The following INSYN2B variants were observed in gnomAD, a reference collection of about 807,000 sequenced individuals.
INSYN2B encodes protein INSYN2B.
A neutral mutation model predicts 41.2 loss-of-function variants in INSYN2B; 16 were observed. The ratio of observed to expected loss-of-function variants is 0.39; its 90% confidence interval spans 0.26 to 0.59. INSYN2B has a LOEUF of 0.59. Among genes scored for constraint, INSYN2B ranks in the 20% least tolerant of loss-of-function variants. The pLI is 0.57. For synonymous variants in INSYN2B, 245 were observed against 244.4 expected (o/e 1.00, Z -0.02); for missense variants, 608 against 646.4 (o/e 0.94, Z 0.64).
intron 1 of INSYN2B, among the ~76,000 whole-genome samples, chr5:169,895,573 C>T (rs141147678): frequency 7.9e-5 from 12 of 152,182 alleles, no homozygotes; most frequent in African/African-American, 2.6e-4. Flanking sequence ...AAAGCTCCTT[C>T]GGTGCCCCAT....
intron 1 of INSYN2B, among the ~76,000 whole-genome samples, chr5:169,899,972 T>TCAC (rs1773828340): frequency 6.6e-6 from 1 of 152,232 alleles, no homozygotes; most frequent in East Asian, 1.9e-4. Context: ...CATGAGAGTC[T>TCAC]CACAAACTGT....
intron 1 of INSYN2B, among the ~76,000 whole-genome samples, chr5:169,976,642 C>T (rs1216735037): frequency 6.6e-6 from 1 of 152,150 alleles, no homozygotes; most frequent in Non-Finnish European, 1.5e-5. Flanking sequence ...CAAGCACAGG[C>T]TCCAACCAGG....
intron 1 of INSYN2B, among the ~76,000 whole-genome samples, chr5:169,912,051 C>T (rs539192870): frequency 1.9e-4 from 29 of 152,314 alleles, no homozygotes; most frequent in Admixed American, 1.7e-3. Flanking sequence ...GCACATCAGG[C>T]TGTTGAACAA....
At chr5:169,882,141 G>A (rs962818660) in intron 2 of INSYN2B, among the ~76,000 whole-genome samples, 1 of 152,164 alleles carries the variant, frequency 6.6e-6, no homozygotes, top group Non-Finnish European at 1.5e-5. Flanking sequence ...CAAGTCCTTT[G>A]TCACAATGAC....
chr5:169,929,693 G>A (rs945305806), intron 1 of INSYN2B, among the ~76,000 whole-genome samples: 14 of 146,106 alleles, frequency 9.6e-5, no homozygotes, highest in Non-Finnish European at 1.8e-4. Context: ...AGTGAGCCAA[G>A]AGGGGATCAC....
chr5:169,909,429 A>G (rs1315543685), intron 1 of INSYN2B, among the ~76,000 whole-genome samples: 2 of 152,230 alleles, frequency 1.3e-5, no homozygotes. Context: ...ATGAATTTAA[A>G]AAAATCTAAG....
chr5:169,881,285 T>C, intron 3 of INSYN2B, 83 bp downstream of exon 3: 1 of 1,168,560 alleles, frequency 8.6e-7, no homozygotes, highest in Non-Finnish European at 1.2e-6. Context: ...TCTTGACTTT[T>C]TGCATTTAAA....
chr5:169,897,158 A>C (rs1773656958), intron 1 of INSYN2B, among the ~76,000 whole-genome samples: 1 of 152,196 alleles, frequency 6.6e-6, no homozygotes, highest in African/African-American at 2.4e-5. Flanking sequence ...AGATTTGGAA[A>C]GTATCACAAT....
intron 1 of INSYN2B, among the ~76,000 whole-genome samples, chr5:169,972,473 C>CA (rs1438507995): frequency 1.8e-5 from 2 of 111,342 alleles, no homozygotes; most frequent in Non-Finnish European, 3.5e-5. Flanking sequence ...TCACTTTTGA[C>CA]AATGAAAAAT....
chr5:169,970,462 G>C (rs1777462599), intron 1 of INSYN2B, among the ~76,000 whole-genome samples: 1 of 152,204 alleles, frequency 6.6e-6, no homozygotes, highest in Non-Finnish European at 1.5e-5. Flanking sequence ...GGAAGGTCAG[G>C]GGACTGCTGT....
chr5:169,880,756 C>T (rs1415188522), intron 3 of INSYN2B, among the ~76,000 whole-genome samples: 1 of 152,176 alleles, frequency 6.6e-6, no homozygotes, highest in African/African-American at 2.4e-5. Context: ...TGATGGCAGA[C>T]TTGGGGATTA....
intron 1 of INSYN2B, among the ~76,000 whole-genome samples, chr5:169,974,081 C>T (rs1777623541): frequency 3.3e-5 from 5 of 152,100 alleles, no homozygotes; most frequent in Admixed American, 3.3e-4. Context: ...AAGATCATAC[C>T]ATGGTTGCAA....
chr5:169,925,578 TTAAAAAAAAA>T (rs1775401372), intron 1 of INSYN2B, among the ~76,000 whole-genome samples: 1 of 32,324 alleles, frequency 3.1e-5, no homozygotes. Context: ...AGACTCTGTC[TTAAAAAAAAA>T]AAAAAAAAAA....
At chr5:169,971,058 G>A (rs893360477) in intron 1 of INSYN2B, among the ~76,000 whole-genome samples, 2 of 152,126 alleles carry the variant, frequency 1.3e-5, no homozygotes, top group African/African-American at 4.8e-5. Context: ...GACGGGGAGA[G>A]GGAGTCAGCA....
chr5:169,900,711 T>C (rs1018560877), intron 1 of INSYN2B, among the ~76,000 whole-genome samples: 9 of 152,116 alleles, frequency 5.9e-5, no homozygotes, highest in African/African-American at 1.9e-4. Flanking sequence ...TATGACTTAA[T>C]GTGTAGAGTT....
rs1771291531 is a variant in INSYN2B at position 169,862,856 on chromosome 5, G to A, written c.*1417C>T. ...ACATCCCACGAACACACAGGATTCTGTGCTCTGCAAAGATTCTAGCTTAGA... is the reference window on the plus strand; with the variant it reads ...ACATCCCACGAACACACAGGATTCTATGCTCTGCAAAGATTCTAGCTTAGA... On this transcript the variant is annotated 3_prime_UTR_variant, in exon 4 of 4. Coordinates refer to ENST00000377365, the MANE Select transcript of INSYN2B (RefSeq NM_001129891.3). 6.6e-6 allele frequency among the ~76,000 whole-genome samples: 1 copy of A among 152,212 alleles called. No individual in the cohort carries two copies. The highest frequency in any genetic ancestry group is 1.5e-5 in the Non-Finnish European group (1 of 68,038).
intron 1 of INSYN2B, among the ~76,000 whole-genome samples, chr5:169,946,583 AT>A (rs1776459832): frequency 6.6e-6 from 1 of 152,180 alleles, no homozygotes; most frequent in South Asian, 2.1e-4. Context: ...TCATTCATTC[AT>A]TCACTTTTTC....
intron 3 of INSYN2B, among the ~76,000 whole-genome samples, chr5:169,871,309 C>T (rs901335845): frequency 6.6e-6 from 1 of 152,070 alleles, no homozygotes; most frequent in African/African-American, 2.4e-5. Flanking sequence ...GCATTTTATT[C>T]TAAGGAGAAG....
At position 169,882,767 on chromosome 5, in the gene INSYN2B, G is replaced by T. The variant is rs1772732501; in HGVS notation, c.1132C>A (p.His378Asn). 1 of 1,551,736 alleles carries T rather than the reference G, an allele frequency of 6.4e-7. No individual in the cohort carries two copies. Among genetic ancestry groups the T allele is most frequent in the Non-Finnish European group, 8.7e-7 (1 of 1,146,968 alleles). The change falls in exon 2 of 4, where the codon CAT (histidine) becomes AAT (asparagine). Residue 378 changes from histidine to asparagine, a missense_variant. Coordinates refer to ENST00000377365, the MANE Select transcript of INSYN2B (RefSeq NM_001129891.3). ...LEFPNCPGSN[H>N]LPSSLSRSET... ...CTCCTTGAAAGAGAGGATGGGAGAT[G>T]ATTACTTCCTGGACAATTTGGAAAC...
Sources: allele counts gnomAD v4.1 joint callset (sites outside exome capture counted in the v4.1 genomes callset), GRCh38; gene constraint gnomAD v4.1.1; transcripts MANE v1.5; gene names NCBI Gene and HGNC (gene_info 2026-07-23, HGNC 2026-07-21).